CDH7: variants seen among roughly 807,000 people sequenced by gnomAD.
CDH7 encodes the protein cadherin 7, also known as cadherin-7.
In CDH7, 25 loss-of-function variants were observed where a neutral mutation model predicts 71.8. The observed-to-expected ratio is 0.35, with a 90% CI of 0.25 to 0.49. The LOEUF is 0.49. Among genes scored for constraint, CDH7 ranks in the 20% least tolerant of loss-of-function variants. The pLI is 0.99. For synonymous variants in CDH7, 381 were observed against 363.8 expected (o/e 1.05, Z -0.54); for missense variants, 862 against 974.6 (o/e 0.88, Z 1.54).
chr18:65,830,063 A>G (rs1184990076), intron 6 of CDH7, among the ~76,000 whole-genome samples: 2 of 152,152 alleles, frequency 1.3e-5, no homozygotes, highest in Non-Finnish European at 2.9e-5. Flanking sequence ...TGTTTTTCTC[A>G]GGTAGACAAG....
chr18:65,794,170 A>T (rs1454081178), intron 2 of CDH7, among the ~76,000 whole-genome samples: 1 of 109,820 alleles, frequency 9.1e-6, no homozygotes, highest in East Asian at 2.3e-4. Flanking sequence ...GATAATACAC[A>T]GTTTTTTTTT....
rs755421096 is a variant in CDH7, at chr18:65,824,796, A to G, written c.946A>G (p.Lys316Glu). ...GGGCATTTTTAAGATTTCTGTTGAC[A>G]AAGAAACCCAGGAAGGAATCATTAC... ...GLGIFKISVD[K>E]ETQEGIITIQ... Residue 316 changes from lysine (K) to glutamate (E), a missense_variant, in exon 6 of 12, where the codon AAA (lysine) becomes GAA (glutamate). Transcript: ENST00000397968. The G allele has an allele frequency of 2.5e-5, 40 of 1,611,936 alleles. No homozygotes were observed. Among genetic ancestry groups the G allele is most frequent in the Admixed American group, 1.7e-4 (10 of 59,908 alleles).
At chr18:65,831,451 A>C (rs1912346045) in intron 6 of CDH7, among the ~76,000 whole-genome samples, 1 of 152,194 alleles carries the variant, frequency 6.6e-6, no homozygotes, top group South Asian at 2.1e-4. Flanking sequence ...TTTCAGAAGA[A>C]AATATTTGCT....
chr18:65,752,169 C>T (rs958360404), intron 1 of CDH7, among the ~76,000 whole-genome samples: 4 of 152,186 alleles, frequency 2.6e-5, no homozygotes, highest in Non-Finnish European at 4.4e-5. Context: ...ATTTCTGTAG[C>T]TACTAGACAG....
rs145606974 is a variant in CDH7 at position 65,767,082 on chromosome 18, A to G, written c.210+4030A>G. Among the ~76,000 whole-genome samples the G allele has an allele frequency of 4.0e-3, 513 of 129,110 alleles. 4 individuals are homozygous for G. The highest frequency in any genetic ancestry group is 0.015 in the African/African-American group (486 of 32,866). The allele number at this position is 129,110 out of a possible 152,430, so 84.7% of individuals were successfully genotyped here. A position where few individuals can be genotyped will look rare whatever the true frequency, so the allele number is the denominator to read the frequency against. ...AGTTGCTTCCCTAGCTGTTAACATC[A>G]CTCTTTCTTTCTTTTTTTTTTTTTT... On this transcript the variant is annotated intron_variant, in intron 2 of 11. Transcript: ENST00000397968.
At chr18:65,802,338 T>C (rs953632370) in intron 2 of CDH7, among the ~76,000 whole-genome samples, 6 of 152,204 alleles carry the variant, frequency 3.9e-5, no homozygotes, top group Non-Finnish European at 8.8e-5. Context: ...ATTTTCATTA[T>C]TGTATTTGGG....
chr18:65,793,467 GC>G (rs1460318696), intron 2 of CDH7, among the ~76,000 whole-genome samples: 1 of 149,998 alleles, frequency 6.7e-6, no homozygotes, highest in Non-Finnish European at 1.5e-5. Flanking sequence ...GCAAATTCCA[GC>G]AAATACATTT....
At chr18:65,795,400 T>C (rs749743401) in intron 2 of CDH7, among the ~76,000 whole-genome samples, 1 of 152,186 alleles carries the variant, frequency 6.6e-6, no homozygotes, top group Non-Finnish European at 1.5e-5. Flanking sequence ...AATGTTTCTC[T>C]ATAATAATAT....
chr18:65,811,963 TTTC>T (rs1321024562), intron 3 of CDH7, among the ~76,000 whole-genome samples: 2 of 74,494 alleles, frequency 2.7e-5, no homozygotes, highest in East Asian at 4.3e-4. Context: ...TTTCTTTTCT[TTTC>T]TTTTTTTTTT....
In CDH7 at chr18:65,884,899, T is replaced by C. The variant is rs1002099057; in HGVS notation, c.*4005T>C. On this transcript the variant is annotated 3_prime_UTR_variant, in exon 12 of 12. Coordinates refer to ENST00000397968, the MANE Select transcript of CDH7 (RefSeq NM_004361.5). ...TTTATTTACAGTTGACCTAATCCAATTGAAGTTGATGAAAGCTTCAACTTA... is the reference window on the plus strand; with the variant it reads ...TTTATTTACAGTTGACCTAATCCAACTGAAGTTGATGAAAGCTTCAACTTA... 2.6e-5 allele frequency: 4 copies of C among 152,318 alleles called. No homozygotes were observed. Among genetic ancestry groups the C allele is most frequent in the Admixed American group, 6.5e-5 (1 of 15,294 alleles). The allele number at this position is 152,318 out of a possible 1,614,324, so 9.4% of individuals were successfully genotyped here.
intron 10 of CDH7, among the ~76,000 whole-genome samples, chr18:65,861,194 T>A (rs866476544): frequency 6.6e-6 from 1 of 152,178 alleles, no homozygotes; most frequent in Non-Finnish European, 1.5e-5. Context: ...CTCCCTTGAC[T>A]GTACCTTGAA....
At chr18:65,806,472 G>A (rs1911326575) in intron 2 of CDH7, among the ~76,000 whole-genome samples, 1 of 152,070 alleles carries the variant, frequency 6.6e-6, no homozygotes, top group African/African-American at 2.4e-5. Flanking sequence ...AATAGACCTA[G>A]GTGATTCCTA....
intron 2 of CDH7, among the ~76,000 whole-genome samples, chr18:65,788,852 G>T (rs567537197): frequency 9.2e-4 from 140 of 152,278 alleles, no homozygotes; most frequent in African/African-American, 3.2e-3. Context: ...CCCAAGTTTA[G>T]ATTTGACCTA....
intron 7 of CDH7, among the ~76,000 whole-genome samples, chr18:65,852,582 T>C (rs1172033999): frequency 6.6e-6 from 1 of 152,148 alleles, no homozygotes; most frequent in Admixed American, 6.6e-5. Flanking sequence ...ACCAGGTAAA[T>C]TAACAGCTAT....
In CDH7 at chr18:65,790,288, A is replaced by G. The variant is rs73542726; in HGVS notation, c.211-19416A>G. Among the ~76,000 whole-genome samples, 969 of 151,852 alleles carry G rather than the reference A, an allele frequency of 6.4e-3. 11 individuals are homozygous for G. The highest frequency in any genetic ancestry group is 0.022 in the African/African-American group (900 of 41,382). ...CTATGTGGAGGTGTGCATGCATGAAATAGTCAAATTCCTAAGTATAGAGGT... is the reference window on the plus strand; with the variant it reads ...CTATGTGGAGGTGTGCATGCATGAAGTAGTCAAATTCCTAAGTATAGAGGT... On this transcript the variant is annotated intron_variant, in intron 2 of 11. Transcript: ENST00000397968.
intron 9 of CDH7, 83 bp downstream of exon 9, chr18:65,859,129 G>A: frequency 7.7e-7 from 1 of 1,303,526 alleles, no homozygotes. Context: ...AATTCTTCCA[G>A]CTTTAAGATA....
intron 6 of CDH7, among the ~76,000 whole-genome samples, chr18:65,841,847 T>C (rs1039480342): frequency 6.6e-6 from 1 of 152,030 alleles, no homozygotes; most frequent in Non-Finnish European, 1.5e-5. Context: ...CATTCTCACC[T>C]TTTTTTGACC....
intron 8 of CDH7, 25 bp downstream of exon 8, chr18:65,857,977 A>G (rs1313651098): frequency 6.2e-7 from 1 of 1,609,282 alleles, no homozygotes. Flanking sequence ...TTAAAACTAA[A>G]TTAAGATGGA....
intron 2 of CDH7, among the ~76,000 whole-genome samples, chr18:65,764,534 A>T (rs1010052232): frequency 6.6e-6 from 1 of 152,012 alleles, no homozygotes; most frequent in Non-Finnish European, 1.5e-5. Context: ...AAAGAAATTG[A>T]GAGGAGTAAC....
Sources: gnomAD v4.1 joint callset for allele counts (sites outside exome capture counted in the v4.1 genomes callset) on GRCh38, gnomAD v4.1.1 for gene constraint, MANE v1.5 for transcripts, NCBI Gene and HGNC (gene_info 2026-07-23, HGNC 2026-07-21) for gene names.